Variants in TCF7L1 observed in about 807,000 individuals in gnomAD.
The protein encoded by TCF7L1 is transcription factor 7-like 1.
A neutral mutation model predicts 63.7 loss-of-function variants in TCF7L1; 18 were observed. The observed-to-expected ratio is 0.28, with a 90% confidence interval of 0.20 to 0.42. TCF7L1 has a LOEUF of 0.42. Ranked by LOEUF, TCF7L1 falls within the 10% of genes least tolerant of loss-of-function variation. The probability of loss-of-function intolerance (pLI) is 1.00; values close to 1 mark genes in which losing one functional copy is unlikely to be tolerated. For synonymous variants in TCF7L1, 355 were observed against 340.9 expected, an observed-to-expected ratio of 1.04 and a Z score of -0.46; for missense variants, 654 against 779.3, an observed-to-expected ratio of 0.84 and a Z score of 1.91.
At chr2:85,204,039 A>G (rs1438429522) in intron 3 of TCF7L1, among the ~76,000 whole-genome samples, 3 of 152,174 alleles carry the variant, frequency 2.0e-5, no homozygotes, top group Non-Finnish European at 4.4e-5. Context: ...TGAAAGATTT[A>G]TTTCATTATT....
At chr2:85,144,749 G>GTGTTTGTT (rs767439897) in intron 3 of TCF7L1, among the ~76,000 whole-genome samples, 1 of 147,066 alleles carries the variant, frequency 6.8e-6, no homozygotes, top group African/African-American at 2.5e-5. Flanking sequence ...GTGTGTGTGT[G>GTGTTTGTT]TATGTGTGTG....
At chr2:85,275,389 G>A (rs532714874) in intron 3 of TCF7L1, among the ~76,000 whole-genome samples, 1 of 152,228 alleles carries the variant, frequency 6.6e-6, no homozygotes, top group South Asian at 2.1e-4. Flanking sequence ...GAATGCGAGG[G>A]GAAGAGAATA....
chr2:85,171,219 A>C (rs956965269), intron 3 of TCF7L1, among the ~76,000 whole-genome samples: 1 of 152,186 alleles, frequency 6.6e-6, no homozygotes, highest in Admixed American at 6.5e-5. Context: ...ACAGCATGGG[A>C]AAGACCTGCC....
At chr2:85,290,761 TGGCA>T (rs770898185) in intron 4 of TCF7L1, among the ~76,000 whole-genome samples, 9 of 152,190 alleles carry the variant, frequency 5.9e-5, no homozygotes, top group Non-Finnish European at 1.3e-4. Context: ...GAGGGTAAGC[TGGCA>T]GGCTGGAGAC....
At position 85,294,193 on chromosome 2, in the gene TCF7L1, C is replaced by A. The variant is rs528265454; in HGVS notation, c.526-8291C>A. On this transcript the variant is annotated intron_variant, in intron 4 of 11. Transcript: ENST00000282111. ...CTGGGACTACAGGCACCCGCCACCACGCCCGGCTAATTTTTTGTGTTTTTA... is the reference window on the plus strand; with the variant it reads ...CTGGGACTACAGGCACCCGCCACCAAGCCCGGCTAATTTTTTGTGTTTTTA... 2.6e-5 allele frequency among the ~76,000 whole-genome samples: 4 copies of A among 151,986 alleles called. No individual in the cohort carries two copies. In the South Asian group the frequency reaches 8.3e-4, roughly 32 times the overall value.
chr2:85,134,369 TG>T lies in TCF7L1; in HGVS notation c.363del (p.Tyr122ThrfsTer4). ...CGTTCTTTAAAGGACCCCCGTACCC[TG>T]GGTACCCCTTCCTGATGATCCCGGA... ...SAFFKGPPYP[G>X]YPFLMIPDLS... On this transcript the variant is annotated frameshift_variant, in exon 3 of 12. Transcript: ENST00000282111. LOFTEE classifies it high-confidence loss of function. This position sits in a 1 kb window ranked among gnomAD's most constrained non-coding sequence, Gnocchi z 5.0. 6.3e-7 allele frequency: 1 copy of T among 1,581,140 alleles called. No homozygotes were observed. Among genetic ancestry groups the T allele is most frequent in the Admixed American group, 1.8e-5 (1 of 55,982 alleles).
chr2:85,248,934 A>G (rs529615871), intron 3 of TCF7L1, among the ~76,000 whole-genome samples: 1 of 151,440 alleles, frequency 6.6e-6, no homozygotes, highest in Admixed American at 6.6e-5. Context: ...CTCCTCCCAG[A>G]CTCTGCAATC....
At chr2:85,222,968 G>A (rs990996852) in intron 3 of TCF7L1, among the ~76,000 whole-genome samples, 3 of 152,188 alleles carry the variant, frequency 2.0e-5, no homozygotes, top group African/African-American at 7.2e-5. Context: ...GCAAGGAGTG[G>A]GTGGGGGATG....
intron 4 of TCF7L1, among the ~76,000 whole-genome samples, chr2:85,286,297 G>A (rs1681548435): frequency 6.6e-6 from 1 of 151,878 alleles, no homozygotes; most frequent in Non-Finnish European, 1.5e-5. Context: ...GGAAGTTGCA[G>A]TGAGCTGAGA....
intron 4 of TCF7L1, among the ~76,000 whole-genome samples, chr2:85,296,620 C>G (rs775083088): frequency 1.1e-4 from 16 of 152,338 alleles, no homozygotes; most frequent in South Asian, 6.2e-4. Context: ...TTTTCACCCA[C>G]TAGTTTTAGC....
intron 3 of TCF7L1, among the ~76,000 whole-genome samples, chr2:85,228,227 T>C (rs1315674328): frequency 6.6e-6 from 1 of 152,078 alleles, no homozygotes; most frequent in African/African-American, 2.4e-5. Context: ...CAAGATCATC[T>C]TGGGCAACAT....
At chr2:85,214,266 T>C (rs1198960315) in intron 3 of TCF7L1, among the ~76,000 whole-genome samples, 1 of 152,202 alleles carries the variant, frequency 6.6e-6, no homozygotes, top group Non-Finnish European at 1.5e-5. Context: ...CCAGATTCGA[T>C]TACCGGGTGA....
rs760835516 is a variant in TCF7L1 at position 85,309,078 on chromosome 2, C to A, written c.1383C>A (p.Pro461=). The A allele has an allele frequency of 4.3e-6, 7 of 1,612,904 alleles. 1 individual carries two copies. The South Asian group carries it at 5.5e-5, about 13-fold the overall frequency. The change falls in exon 12 of 12, where the codon CCC becomes CCA. Residue 461 remains proline (P), a synonymous_variant. Coordinates refer to ENST00000282111, the MANE Select transcript of TCF7L1 (RefSeq NM_031283.3). The part of the protein sequence containing the change: ...SKKPCVQYLP[P]EKPCDSPASS... ...AGCCATGTGTTCAGTACCTGCCCCC[C>A]GAGAAGCCCTGTGACAGCCCTGCCT...
intron 3 of TCF7L1, among the ~76,000 whole-genome samples, chr2:85,236,183 C>G (rs1680188753): frequency 6.6e-6 from 1 of 151,820 alleles, no homozygotes; most frequent in Non-Finnish European, 1.5e-5. Flanking sequence ...CAAAAAAAAC[C>G]CAACCTTGAG....
At chr2:85,190,783 TTC>T (rs1679024958) in intron 3 of TCF7L1, among the ~76,000 whole-genome samples, 1 of 152,190 alleles carries the variant, frequency 6.6e-6, no homozygotes, top group Non-Finnish European at 1.5e-5. Context: ...ACTTAAGCTG[TTC>T]TGTTGTTATA....
rs901565560 is a variant in TCF7L1 at position 85,241,451 on chromosome 2, T to G, written c.442-42044T>G. 8.4e-5 allele frequency among the ~76,000 whole-genome samples: 12 copies of G among 142,776 alleles called. No homozygotes were observed. In the South Asian group the frequency reaches 9.5e-4, roughly 11 times the overall value. The allele number at this position is 142,776 out of a possible 152,430, so 93.7% of individuals were successfully genotyped here. A position where few individuals can be genotyped will look rare whatever the true frequency, so the allele number is the denominator to read the frequency against. On this transcript the variant is annotated intron_variant, in intron 3 of 11. Transcript: ENST00000282111. The stretch of plus-strand genomic sequence containing the variant: ...ACTTTGTTTTTGTTTTTTTTTTTTT[T>G]TTTTTTTTTTTTTTGAGATGGAGTT...
intron 3 of TCF7L1, among the ~76,000 whole-genome samples, chr2:85,265,634 TGAG>T (rs1450915361): frequency 6.6e-6 from 1 of 152,106 alleles, no homozygotes; most frequent in Non-Finnish European, 1.5e-5. Flanking sequence ...TCCAAACGGC[TGAG>T]GTCACATTTT....
At chr2:85,181,843 G>A (rs72840120) in intron 3 of TCF7L1, among the ~76,000 whole-genome samples, 14,973 of 152,212 alleles carry the variant, frequency 0.098, 804 homozygotes, top group Middle Eastern at 0.14. Context: ...TCGAGTGGGT[G>A]TCAGTTTAAC....
intron 3 of TCF7L1, among the ~76,000 whole-genome samples, chr2:85,232,367 A>T (rs1473191312): frequency 6.6e-6 from 1 of 151,988 alleles, no homozygotes; most frequent in Non-Finnish European, 1.5e-5. Context: ...CCTCCTCTGA[A>T]CTTCTACCCT....
Sources: gnomAD v4.1 joint callset for allele counts (sites outside exome capture counted in the v4.1 genomes callset) on GRCh38, gnomAD v4.1.1 for gene constraint, Gnocchi (gnomAD v3.1) non-coding constraint, MANE v1.5 for transcripts, NCBI Gene and HGNC (gene_info 2026-07-23, HGNC 2026-07-21) for gene names.